The following GPD2 variants were observed in gnomAD, a reference collection of about 807,000 sequenced individuals.
GPD2 encodes glycerol-3-phosphate dehydrogenase 2.
Under a neutral mutation model 82.4 loss-of-function variants are expected in GPD2, and 54 were observed. The ratio of observed to expected loss-of-function variants is 0.66; its 90% CI spans 0.53 to 0.82. The LOEUF is 0.82. Among genes scored for constraint, GPD2 ranks in the 40% least tolerant of loss-of-function variants. The pLI, the probability that GPD2 is intolerant of heterozygous loss-of-function variation, is 0.00. For synonymous variants in GPD2, 288 were observed against 306.1 expected (o/e 0.94, Z 0.62); for missense variants, 748 against 896.2 (o/e 0.83, Z 2.11).
chr2:156,430,198 T>G, the GPD2 span, among the ~76,000 whole-genome samples: 2 of 152,168 alleles, frequency 1.3e-5, no homozygotes, highest in African/African-American at 4.8e-5. Context: ...TTGGTAATAG[T>G]TCTATTGACA....
At chr2:156,577,224 A>G (rs907114756) in intron 13 of GPD2, among the ~76,000 whole-genome samples, 8 of 152,268 alleles carry the variant, frequency 5.3e-5, no homozygotes, top group African/African-American at 1.2e-4. Flanking sequence ...CTTCATGCCT[A>G]TAATCCCAGC....
chr2:156,417,184 G>T, the GPD2 span, among the ~76,000 whole-genome samples: 1 of 152,132 alleles, frequency 6.6e-6, no homozygotes, highest in Admixed American at 6.5e-5. Context: ...TGCATTTTCA[G>T]AAGCTAGCAC....
At chr2:156,467,636 C>T (rs956156437) in intron 1 of GPD2, among the ~76,000 whole-genome samples, 1 of 152,190 alleles carries the variant, frequency 6.6e-6, no homozygotes, top group African/African-American at 2.4e-5. Flanking sequence ...GGACTTGATA[C>T]ATTCACTTCT....
At chr2:156,430,342 G>GA (rs539088930), upstream of GPD2, among the ~76,000 whole-genome samples, 560 of 149,278 alleles carry the variant, frequency 3.8e-3, 1 homozygote, top group Admixed American at 5.5e-3. Flanking sequence ...TGAAACAAAA[G>GA]AAAAAAAAAC....
chr2:156,437,456 T>C (rs554211595), intron 1 of GPD2, among the ~76,000 whole-genome samples: 2 of 152,292 alleles, frequency 1.3e-5, no homozygotes, highest in African/African-American at 2.4e-5. Context: ...GGCTACCACA[T>C]GACATCTGGA....
At chr2:156,536,134 C>T (rs1032690155) in intron 6 of GPD2, among the ~76,000 whole-genome samples, 1 of 152,156 alleles carries the variant, frequency 6.6e-6, no homozygotes, top group Admixed American at 6.6e-5. Flanking sequence ...TCATTATGTA[C>T]CTTATGTATG....
chr2:156,404,457 C>T, the GPD2 span, among the ~76,000 whole-genome samples: 3 of 152,112 alleles, frequency 2.0e-5, no homozygotes, highest in Admixed American at 2.0e-4. Flanking sequence ...AGAATCTTAA[C>T]ACAAATTGAG....
rs1019368929 is a variant in GPD2, at chr2:156,544,689, A to G, written c.662-4919A>G. On this transcript the variant is annotated intron_variant, in intron 6 of 16. Coordinates refer to ENST00000438166, the MANE Select transcript of GPD2 (RefSeq NM_000408.5). ...GAGATCTTGAAAGGGATAGGTAATT[A>G]TTAACAATTAGCTATTGCATGCATT... 4.6e-5 allele frequency among the ~76,000 whole-genome samples: 7 copies of G among 152,202 alleles called. 1 individual carries two copies. The highest frequency in any genetic ancestry group is 1.4e-4 in the African/African-American group (6 of 41,450).
At chr2:156,501,186 T>C (rs1684574529) in intron 3 of GPD2, among the ~76,000 whole-genome samples, 1 of 152,194 alleles carries the variant, frequency 6.6e-6, no homozygotes, top group South Asian at 2.1e-4. Flanking sequence ...TAAGATCTGA[T>C]GTATAAAATT....
At chr2:156,450,914 C>G (rs1682535868) in intron 1 of GPD2, among the ~76,000 whole-genome samples, 1 of 130,860 alleles carries the variant, frequency 7.6e-6, no homozygotes, top group Admixed American at 8.0e-5. Context: ...GCACATCTTG[C>G]ACCGCCCTTA....
chr2:156,402,648 TTTTA>T, the GPD2 span, among the ~76,000 whole-genome samples: 2 of 152,048 alleles, frequency 1.3e-5, no homozygotes, highest in Non-Finnish European at 2.9e-5. Flanking sequence ...GCATGGCTAA[TTTTA>T]TTTATTTATT....
intron 2 of GPD2, among the ~76,000 whole-genome samples, chr2:156,491,544 A>G (rs1231099925): frequency 1.3e-5 from 2 of 152,054 alleles, no homozygotes; most frequent in Non-Finnish European, 2.9e-5. Flanking sequence ...CATTGCTTAC[A>G]CAGTTTGTTT....
intron 2 of GPD2, among the ~76,000 whole-genome samples, chr2:156,480,207 G>T (rs1244563758): frequency 1.3e-5 from 2 of 152,138 alleles, no homozygotes; most frequent in African/African-American, 4.8e-5. Flanking sequence ...ATTTAAATTA[G>T]GAAAAGGGGT....
chr2:156,421,291 A>G, the GPD2 span, among the ~76,000 whole-genome samples: 1 of 152,226 alleles, frequency 6.6e-6, no homozygotes, highest in African/African-American at 2.4e-5. Context: ...AAATCTGTGT[A>G]CGTACCCTTT....
intron 6 of GPD2, among the ~76,000 whole-genome samples, chr2:156,538,346 A>G (rs1412391213): frequency 6.6e-6 from 1 of 152,156 alleles, no homozygotes; most frequent in Non-Finnish European, 1.5e-5. Context: ...TACATGCCAT[A>G]CATTGTTGTC....
chr2:156,546,331 C>A (rs1376742012), intron 6 of GPD2, among the ~76,000 whole-genome samples: 3 of 152,138 alleles, frequency 2.0e-5, no homozygotes, highest in Non-Finnish European at 4.4e-5. Context: ...TATCACATTC[C>A]AATGGCATGC....
At chr2:156,546,418 A>G (rs1686538539) in intron 6 of GPD2, among the ~76,000 whole-genome samples, 2 of 152,186 alleles carry the variant, frequency 1.3e-5, no homozygotes, top group African/African-American at 4.8e-5. Flanking sequence ...GTCAGGAAAG[A>G]GGGTTGGGGA....
intron 3 of GPD2, among the ~76,000 whole-genome samples, chr2:156,509,168 G>C (rs934973778): frequency 6.6e-6 from 1 of 152,146 alleles, no homozygotes; most frequent in African/African-American, 2.4e-5. Context: ...CTGGGGCTGT[G>C]ATACCTGTAA....
Position 156,501,642 on chromosome 2 carries a change from T to C in GPD2, c.274+5427T>C, listed in dbSNP as rs970716813. 1.9e-5 allele frequency: 3 copies of C among 161,778 alleles called. No homozygotes were observed. The East Asian group carries it at 5.8e-4, about 31-fold the overall frequency. 10.0% of individuals were successfully genotyped at this position (161,778 alleles called of 1,614,324 possible). A position where few individuals can be genotyped will look rare whatever the true frequency, so the allele number is the denominator to read the frequency against. ...ATCCACCATGAAGGTAGGAGAAAAT[T>C]CTACTTCAGAAGGTAGAATTGCAGG... On this transcript the variant is annotated intron_variant, in intron 3 of 16. Coordinates refer to ENST00000438166, the MANE Select transcript of GPD2 (RefSeq NM_000408.5).
Sources: gnomAD v4.1 joint callset for allele counts (sites outside exome capture counted in the v4.1 genomes callset) on GRCh38, gnomAD v4.1.1 for gene constraint, MANE v1.5 for transcripts, NCBI Gene and HGNC (gene_info 2026-07-23, HGNC 2026-07-21) for gene names.